The following CRYZ variants were observed in gnomAD, a reference collection of about 807,000 sequenced individuals.
CRYZ encodes the protein zeta-crystallin.
Under a neutral mutation model 34.1 loss-of-function variants are expected in CRYZ, and 35 were observed. That is an observed-to-expected ratio of 1.03 (90% CI 0.78 to 1.36). CRYZ has a LOEUF of 1.36. CRYZ is among the 40% of genes most tolerant of loss of function. CRYZ has a pLI of 0.00. For missense variants in CRYZ, 403 were observed against 391.8 expected, an observed-to-expected ratio of 1.03 and a Z score of -0.24; for synonymous variants, 137 against 136.5, an observed-to-expected ratio of 1.00 and a Z score of -0.03.
intron 5 of CRYZ, among the ~76,000 whole-genome samples, chr1:74,712,812 A>G (rs557190219): frequency 6.6e-6 from 1 of 152,194 alleles, no homozygotes; most frequent in African/African-American, 2.4e-5. Context: ...AGGGCACTCA[A>G]TAGCTCTTTT....
chr1:74,707,296 C>A, intron 6 of CRYZ, 92 bp from the exon 7 acceptor site: 1 of 706,240 alleles, frequency 1.4e-6, no homozygotes, highest in Non-Finnish European at 2.4e-6. Flanking sequence ...AAATATGTTT[C>A]AAATGATATA....
intron 4 of CRYZ, 77 bp from the exon 5 acceptor site, chr1:74,714,707 A>C (rs772711684): frequency 1.4e-6 from 2 of 1,464,406 alleles, no homozygotes; most frequent in Non-Finnish European, 1.9e-6. Context: ...CATCTTAAGG[A>C]ATTTCTACCC....
intron 6 of CRYZ, among the ~76,000 whole-genome samples, chr1:74,709,821 A>T (rs961823583): frequency 6.6e-6 from 1 of 152,216 alleles, no homozygotes; most frequent in Non-Finnish European, 1.5e-5. Flanking sequence ...TTTACTTAGA[A>T]TGTTATTTGC....
intron 5 of CRYZ, among the ~76,000 whole-genome samples, chr1:74,713,923 G>A (rs1340884655): frequency 6.6e-6 from 1 of 152,088 alleles, no homozygotes; most frequent in Non-Finnish European, 1.5e-5. Flanking sequence ...CTCCTGAGAG[G>A]CAGATTGGCA....
intron 1 of CRYZ, among the ~76,000 whole-genome samples, chr1:74,725,058 C>A (rs963004472): frequency 6.6e-6 from 1 of 152,168 alleles, no homozygotes; most frequent in Non-Finnish European, 1.5e-5. Flanking sequence ...GTGCCTTCAA[C>A]AAAGGAATCA....
At chr1:74,706,570 ATG>A in intron 8 of CRYZ, 113 bp from the exon 9 acceptor site, 2 of 1,005,518 alleles carry the variant, frequency 2.0e-6, no homozygotes, top group Non-Finnish European at 2.9e-6. Context: ...TCTCTTACAA[ATG>A]TGTGACTTTT....
chr1:74,731,524 GA>G (rs1270502860), intron 1 of CRYZ, among the ~76,000 whole-genome samples: 1 of 152,200 alleles, frequency 6.6e-6, no homozygotes, highest in Non-Finnish European at 1.5e-5. Context: ...AGTGGTCAGA[GA>G]AAGTCTCTTC....
At chr1:74,731,246 A>T (rs1489063801) in intron 1 of CRYZ, among the ~76,000 whole-genome samples, 1 of 152,176 alleles carries the variant, frequency 6.6e-6, no homozygotes, top group Non-Finnish European at 1.5e-5. Context: ...TATCCATTTG[A>T]TTTAAACGAA....
chr1:74,711,781 T>G lies in CRYZ; in HGVS notation c.481-1534A>C, dbSNP rs147295158. Among the ~76,000 whole-genome samples, 213 of 152,248 alleles carry G rather than the reference T, an allele frequency of 1.4e-3. 2 individuals are homozygous for G. The highest frequency in any genetic ancestry group is 4.9e-3 in the African/African-American group (202 of 41,552). The stretch of plus-strand genomic sequence containing the variant: ...AAAATAAAAATAAAAGAATCACTTG[T>G]AACATGCTGAGCTGCACAGTGCTCA... On this transcript the variant is annotated intron_variant, in intron 5 of 8. Transcript: ENST00000340866.
intron 3 of CRYZ, among the ~76,000 whole-genome samples, 178 bp downstream of exon 3, chr1:74,722,940 A>G (rs1647190565): frequency 6.6e-6 from 1 of 152,174 alleles, no homozygotes; most frequent in Admixed American, 6.5e-5. Context: ...TAAACAAATA[A>G]GGCCTCTGGA....
At chr1:74,722,751 A>G (rs922252499) in intron 3 of CRYZ, among the ~76,000 whole-genome samples, 3 of 152,118 alleles carry the variant, frequency 2.0e-5, no homozygotes, top group African/African-American at 7.2e-5. Context: ...ATGAAGCAAA[A>G]TTTATAAGAG....
intron 6 of CRYZ, among the ~76,000 whole-genome samples, chr1:74,709,563 T>C (rs900917468): frequency 6.6e-6 from 1 of 152,210 alleles, no homozygotes; most frequent in Non-Finnish European, 1.5e-5. Flanking sequence ...ATTGCTAATA[T>C]AGTACAAGTG....
chr1:74,706,214 A>T lies in CRYZ; in HGVS notation c.*82T>A. On this transcript the variant is annotated 3_prime_UTR_variant, in exon 9 of 9. Coordinates refer to ENST00000340866, the MANE Select transcript of CRYZ (RefSeq NM_001889.4). Reference sequence around the variant, plus strand: ...AAGAAGCTCATGGAATCGAATGTTAATTAAAGAAAAGATAGGGTAAGTACA... The same window carrying T: ...AAGAAGCTCATGGAATCGAATGTTATTTAAAGAAAAGATAGGGTAAGTACA... 1 of 1,194,852 alleles carries T rather than the reference A, an allele frequency of 8.4e-7. No individual in the cohort carries two copies. The highest frequency in any genetic ancestry group is 1.1e-6 in the Non-Finnish European group (1 of 878,472). The allele number at this position is 1,194,852 out of a possible 1,614,324, so 74.0% of individuals were successfully genotyped here. A position where few individuals can be genotyped will look rare whatever the true frequency, so the allele number is the denominator to read the frequency against.
At chr1:74,714,887 T>C (rs960069392) in intron 4 of CRYZ, among the ~76,000 whole-genome samples, 1 of 152,160 alleles carries the variant, frequency 6.6e-6, no homozygotes, top group African/African-American at 2.4e-5. Flanking sequence ...CTGGGATGAC[T>C]ATGTGGTGCT....
At chr1:74,724,138 G>A (rs1393489898) in intron 2 of CRYZ, among the ~76,000 whole-genome samples, 1 of 152,142 alleles carries the variant, frequency 6.6e-6, no homozygotes, top group Non-Finnish European at 1.5e-5. Flanking sequence ...ATCTCTACAT[G>A]GAGAGGAAGT....
intron 1 of CRYZ, among the ~76,000 whole-genome samples, chr1:74,729,301 C>T (rs528733932): frequency 6.6e-6 from 1 of 151,786 alleles, no homozygotes; most frequent in South Asian, 2.1e-4. Flanking sequence ...CTCAGAGTTA[C>T]GTGCTAGAGA....
In CRYZ at chr1:74,706,898, C is replaced by G. The variant is rs768193647; in HGVS notation, c.828+1G>C. 5 of 1,609,762 alleles carry G rather than the reference C, an allele frequency of 3.1e-6. No individual in the cohort carries two copies. The East Asian group carries it at 1.1e-4, about 36-fold the overall frequency. On this transcript the variant is annotated splice_donor_variant, in intron 8 of 8. Transcript: ENST00000340866. LOFTEE classifies it high-confidence loss of function. ...AAAATCAGAAGTACTTCTTTTCCTA[C>G]CTTGGTTGAGGAAAAGAGAGTAACT... is the stretch of plus-strand genomic sequence containing the variant.
chr1:74,709,330 G>A (rs1569970735), intron 6 of CRYZ, among the ~76,000 whole-genome samples: 1 of 152,042 alleles, frequency 6.6e-6, no homozygotes, highest in African/African-American at 2.4e-5. Flanking sequence ...TTGGATAATG[G>A]TATCAGCAGT....
intron 5 of CRYZ, among the ~76,000 whole-genome samples, chr1:74,711,785 A>C (rs1222493240): frequency 6.6e-6 from 1 of 152,174 alleles, no homozygotes; most frequent in Non-Finnish European, 1.5e-5. Flanking sequence ...CACTTGTAAC[A>C]TGCTGAGCTG....
Sources: gnomAD v4.1 joint callset for allele counts (sites outside exome capture counted in the v4.1 genomes callset) on GRCh38, gnomAD v4.1.1 for gene constraint, MANE v1.5 for transcripts, NCBI Gene and HGNC (gene_info 2026-07-23, HGNC 2026-07-21) for gene names.